The following TOP6BL variants were observed in gnomAD, a reference collection of about 807,000 sequenced individuals.
TOP6BL encodes the protein TOP6B like initiator of meiotic double strand breaks.
At chr11:66,796,307 G>A in the TOP6BL span, 1 of 1,610,706 alleles carries the variant, frequency 6.2e-7, no homozygotes, top group South Asian at 1.1e-5. Flanking sequence ...GAACCTTGAT[G>A]ACAGATTGTC....
At chr11:66,821,388 C>T in the TOP6BL span, among the ~76,000 whole-genome samples, 11 of 151,522 alleles carry the variant, frequency 7.3e-5, no homozygotes, top group African/African-American at 1.9e-4. Flanking sequence ...CCCGGGTTCA[C>T]GCCATTCTCC....
At chr11:66,779,344 G>A in the TOP6BL span, among the ~76,000 whole-genome samples, 60 of 152,132 alleles carry the variant, frequency 3.9e-4, no homozygotes, top group Non-Finnish European at 7.2e-4. Flanking sequence ...CAAAAAGTGG[G>A]TGAAGGATAT....
At chr11:66,836,100 G>A in the TOP6BL span, among the ~76,000 whole-genome samples, 1 of 152,116 alleles carries the variant, frequency 6.6e-6, no homozygotes, top group East Asian at 1.9e-4. Context: ...AAGTAATTTC[G>A]TGGTTTTGAT....
the TOP6BL span, among the ~76,000 whole-genome samples, chr11:66,825,035 C>T: frequency 2.0e-3 from 298 of 151,848 alleles, 1 homozygote; most frequent in Admixed American, 3.3e-3. Flanking sequence ...GACTTAATTT[C>T]GTATTTTCAG....
chr11:66,838,706 C>T, the TOP6BL span, among the ~76,000 whole-genome samples: 1 of 151,984 alleles, frequency 6.6e-6, no homozygotes, highest in Admixed American at 6.6e-5. Context: ...GTAGGTAATA[C>T]GCAGATTCAG....
chr11:66,757,485 T>G, the TOP6BL span, among the ~76,000 whole-genome samples: 5 of 152,098 alleles, frequency 3.3e-5, no homozygotes, highest in African/African-American at 1.2e-4. Context: ...CAATAAAACT[T>G]CTTTGTGATG....
At chr11:66,843,325 G>C in the TOP6BL span, 1 of 1,509,126 alleles carries the variant, frequency 6.6e-7, no homozygotes, top group South Asian at 1.2e-5. Context: ...CGCTCACCAA[G>C]TCCTCTTCCG....
the TOP6BL span, among the ~76,000 whole-genome samples, chr11:66,819,465 T>G: frequency 6.6e-6 from 1 of 152,158 alleles, no homozygotes; most frequent in African/African-American, 2.4e-5. Context: ...AACTGTACAG[T>G]GTACATTTCA....
chr11:66,756,337 C>T, the TOP6BL span: 35 of 1,088,892 alleles, frequency 3.2e-5, no homozygotes, highest in Admixed American at 1.4e-4. Context: ...CTTTTCCCCC[C>T]TTTTTTTTTT....
the TOP6BL span, among the ~76,000 whole-genome samples, chr11:66,790,501 A>C: frequency 1.4e-4 from 21 of 152,168 alleles, no homozygotes; most frequent in Non-Finnish European, 2.4e-4. Flanking sequence ...AGATTCTGAC[A>C]CTTGAAAGAA....
chr11:66,756,491 C>A, the TOP6BL span: 1 of 1,062,978 alleles, frequency 9.4e-7, no homozygotes. Flanking sequence ...CACCACCATG[C>A]CTGGCTAATT....
the TOP6BL span, among the ~76,000 whole-genome samples, chr11:66,791,479 C>T: frequency 6.6e-6 from 1 of 152,014 alleles, no homozygotes; most frequent in Non-Finnish European, 1.5e-5. Flanking sequence ...ATTTATACAT[C>T]TGTACTTCTG....
chr11:66,766,978 C>T, the TOP6BL span, among the ~76,000 whole-genome samples: 1 of 152,128 alleles, frequency 6.6e-6, no homozygotes, highest in East Asian at 1.9e-4. Context: ...TGGGGTTTCT[C>T]CTTTTTTGTT....
the TOP6BL span, chr11:66,815,844 T>G: frequency 2.1e-6 from 1 of 469,882 alleles, no homozygotes; most frequent in Non-Finnish European, 3.8e-6. Flanking sequence ...TTTACACACA[T>G]AGTTACTATT....
chr11:66,770,395 G>GA, the TOP6BL span, among the ~76,000 whole-genome samples: 1 of 152,108 alleles, frequency 6.6e-6, no homozygotes, highest in African/African-American at 2.4e-5. Flanking sequence ...AGTCATTAGG[G>GA]AAAAATGCAA....
the TOP6BL span, among the ~76,000 whole-genome samples, chr11:66,791,936 G>A: frequency 6.6e-6 from 1 of 151,534 alleles, no homozygotes; most frequent in South Asian, 2.1e-4. Flanking sequence ...TCCTGCCTCA[G>A]CCTCCTGAGT....
At chr11:66,803,590 A>T in the TOP6BL span, among the ~76,000 whole-genome samples, 1 of 152,134 alleles carries the variant, frequency 6.6e-6, no homozygotes, top group African/African-American at 2.4e-5. Context: ...CATCATGCAC[A>T]GCTATTGTAT....
At chr11:66,817,818 A>AT in the TOP6BL span, among the ~76,000 whole-genome samples, 3 of 152,266 alleles carry the variant, frequency 2.0e-5, no homozygotes, top group East Asian at 5.8e-4. Flanking sequence ...AAGTGCTGGG[A>AT]TTACAGGCAT....
At chr11:66,759,051 G>T in the TOP6BL span, 3 of 1,568,398 alleles carry the variant, frequency 1.9e-6, no homozygotes, top group Non-Finnish European at 2.6e-6. Context: ...AGTTGCTTCT[G>T]CAGGAAGCCT....
Sources: allele counts gnomAD v4.1 joint callset (sites outside exome capture counted in the v4.1 genomes callset), GRCh38; gene constraint gnomAD v4.1.1; transcripts MANE v1.5; gene names NCBI Gene and HGNC (gene_info 2026-07-23, HGNC 2026-07-21).